THSD7B: variants seen among roughly 807,000 people sequenced by gnomAD.
THSD7B encodes thrombospondin type 1 domain containing 7B, also known as thrombospondin type-1 domain-containing protein 7B.
A neutral mutation model predicts 213.6 loss-of-function variants in THSD7B; 138 were observed. The observed-to-expected ratio is 0.65, with a 90% CI of 0.56 to 0.74. The LOEUF (loss-of-function observed/expected upper bound fraction) is 0.74. THSD7B is among the 30% of genes least tolerant of loss of function. The probability of loss-of-function intolerance (pLI) is 0.00; values close to 1 mark genes in which losing one functional copy is unlikely to be tolerated. For missense variants in THSD7B, 1,931 were observed against 1,991.5 expected, an observed-to-expected ratio of 0.97 and a Z score of 0.58; for synonymous variants, 742 against 687.0, an observed-to-expected ratio of 1.08 and a Z score of -1.25.
intron 3 of THSD7B, among the ~76,000 whole-genome samples, chr2:137,072,331 T>C (rs547578149): frequency 6.6e-5 from 10 of 152,324 alleles, no homozygotes; most frequent in Non-Finnish European, 7.4e-5. Flanking sequence ...ACATCCCTTG[T>C]AAGTTGGATT....
chr2:136,998,193 T>C (rs1685928651), intron 2 of THSD7B, among the ~76,000 whole-genome samples: 1 of 138,368 alleles, frequency 7.2e-6, no homozygotes, highest in Non-Finnish European at 1.5e-5. Flanking sequence ...TGAAAGCCTA[T>C]AATTTATCCT....
At chr2:137,325,345 C>T (rs79801203) in intron 12 of THSD7B, among the ~76,000 whole-genome samples, 11,930 of 152,136 alleles carry the variant, frequency 0.078, 592 homozygotes, top group African/African-American at 0.14. Context: ...TATGCTTGCC[C>T]TGGAAAAGAG....
chr2:137,430,996 C>A (rs906002348), intron 14 of THSD7B, among the ~76,000 whole-genome samples: 2 of 151,990 alleles, frequency 1.3e-5, no homozygotes, highest in Admixed American at 1.3e-4. Context: ...TTATTAGTGT[C>A]GACAAAAAGA....
At chr2:137,041,737 A>T (rs1170160887) in intron 2 of THSD7B, among the ~76,000 whole-genome samples, 1 of 151,828 alleles carries the variant, frequency 6.6e-6, no homozygotes, top group African/African-American at 2.4e-5. Flanking sequence ...ATAATACTGG[A>T]TTCATGTAAT....
At chr2:137,503,233 A>G (rs1038219811) in intron 15 of THSD7B, among the ~76,000 whole-genome samples, 1 of 152,202 alleles carries the variant, frequency 6.6e-6, no homozygotes, top group African/African-American at 2.4e-5. Flanking sequence ...AGTATACAAT[A>G]GAGTTCAGTG....
rs1553464960 is a variant in THSD7B, at chr2:137,017,984, C to CCT, written c.140-38436_140-38435insCT. On this transcript the variant is annotated intron_variant, in intron 2 of 27. Transcript: ENST00000409968. ...CGAGGGAAAGACACCTTTGTCTTCC[C>CCT]TTTTTTTTTTTTTTAAAGCTTCTTT... 2.7e-3 allele frequency among the ~76,000 whole-genome samples: 377 copies of CCT among 140,310 alleles called. 1 individual carries two copies. The highest frequency in any genetic ancestry group is 8.2e-3 in the African/African-American group (314 of 38,322). The allele number at this position is 140,310 out of a possible 152,430, so 92.0% of individuals were successfully genotyped here. A position where few individuals can be genotyped will look rare whatever the true frequency, so the allele number is the denominator to read the frequency against.
intron 12 of THSD7B, among the ~76,000 whole-genome samples, chr2:137,401,634 C>CTTTTTT (rs35834967): frequency 5.3e-5 from 7 of 132,694 alleles, no homozygotes; most frequent in African/African-American, 1.7e-4. Context: ...TTCTTTCTTT[C>CTTTTTT]TTTTTTTTTT....
At chr2:137,378,104 G>A (rs1189401616) in intron 12 of THSD7B, among the ~76,000 whole-genome samples, 1 of 152,094 alleles carries the variant, frequency 6.6e-6, no homozygotes, top group African/African-American at 2.4e-5. Flanking sequence ...ACTCCAAGGT[G>A]TTGTAAAACC....
intron 2 of THSD7B, among the ~76,000 whole-genome samples, chr2:136,985,902 G>C (rs989579612): frequency 6.6e-6 from 1 of 152,244 alleles, no homozygotes; most frequent in African/African-American, 2.4e-5. Context: ...GCATCAGCGT[G>C]CCCTGGATGT....
At chr2:137,340,124 G>T (rs1684728116) in intron 12 of THSD7B, among the ~76,000 whole-genome samples, 1 of 151,740 alleles carries the variant, frequency 6.6e-6, no homozygotes. Context: ...CCTTTTTATA[G>T]ACATTTTATC....
chr2:137,407,102 T>C (rs1686542217), intron 13 of THSD7B, among the ~76,000 whole-genome samples: 1 of 152,190 alleles, frequency 6.6e-6, no homozygotes, highest in Non-Finnish European at 1.5e-5. Flanking sequence ...CTTGAAAGTT[T>C]ATTCATGATA....
At chr2:137,361,848 G>A (rs1277339758) in intron 12 of THSD7B, among the ~76,000 whole-genome samples, 1 of 151,942 alleles carries the variant, frequency 6.6e-6, no homozygotes, top group African/African-American at 2.4e-5. Context: ...ACCTAGCAAG[G>A]CAGGCCAACA....
At chr2:136,810,529 C>T (rs1463339744) in intron 1 of THSD7B, among the ~76,000 whole-genome samples, 2 of 152,206 alleles carry the variant, frequency 1.3e-5, no homozygotes, top group Non-Finnish European at 1.5e-5. Context: ...ATACATCATA[C>T]ATTCTGCAGT....
chr2:136,822,191 C>T (rs1682574735), intron 1 of THSD7B, among the ~76,000 whole-genome samples: 1 of 152,128 alleles, frequency 6.6e-6, no homozygotes, highest in Non-Finnish European at 1.5e-5. Flanking sequence ...TGCTTTTGGT[C>T]TCTTGGTGAA....
At chr2:136,784,949 A>G (rs1308225673) in intron 1 of THSD7B, among the ~76,000 whole-genome samples, 1 of 152,214 alleles carries the variant, frequency 6.6e-6, no homozygotes, top group Non-Finnish European at 1.5e-5. Context: ...GCCTAATGGC[A>G]GAAAATGTAA....
chr2:137,076,685 G>A (rs963200878), intron 3 of THSD7B, among the ~76,000 whole-genome samples: 1 of 152,292 alleles, frequency 6.6e-6, no homozygotes, highest in East Asian at 1.9e-4. Flanking sequence ...CGTCACTCAC[G>A]CTGGGAGCTG....
chr2:137,636,492 G>A (rs1403334014), intron 20 of THSD7B, among the ~76,000 whole-genome samples: 4 of 152,120 alleles, frequency 2.6e-5, no homozygotes, highest in African/African-American at 9.7e-5. Flanking sequence ...GTGCATAATT[G>A]TAATCATAAT....
Position 137,594,182 on chromosome 2 carries a change from G to T in THSD7B, c.3423+21626G>T, listed in dbSNP as rs148947250. 2.5e-3 allele frequency among the ~76,000 whole-genome samples: 386 copies of T among 152,088 alleles called. 3 individuals are homozygous for T. The highest frequency in any genetic ancestry group is 3.4e-3 in the Middle Eastern group (1 of 294). On this transcript the variant is annotated intron_variant, in intron 17 of 27. Coordinates refer to ENST00000409968, the MANE Select transcript of THSD7B (RefSeq NM_001316349.2). ...TGGAGTAGAATTGCACTACAGAGAT[G>T]ACCATTTTTGAGGCAAAGGATCTAG...
chr2:137,547,843 A>G (rs1474576086), intron 15 of THSD7B, among the ~76,000 whole-genome samples: 1 of 151,986 alleles, frequency 6.6e-6, no homozygotes, highest in Non-Finnish European at 1.5e-5. Context: ...GTGCTGATTA[A>G]GAGATGGTAG....
Sources: gnomAD v4.1 joint callset for allele counts (sites outside exome capture counted in the v4.1 genomes callset) on GRCh38, gnomAD v4.1.1 for gene constraint, MANE v1.5 for transcripts, NCBI Gene and HGNC (gene_info 2026-07-23, HGNC 2026-07-21) for gene names.